KDM4C: variants seen among roughly 807,000 people sequenced by gnomAD.
KDM4C encodes the protein lysine demethylase 4C.
KDM4C carries 81 observed loss-of-function variants against 129.3 expected under a neutral mutation model. The ratio of observed to expected loss-of-function variants is 0.63; its 90% CI spans 0.52 to 0.75. KDM4C has a LOEUF of 0.75. KDM4C is among the 30% of genes least tolerant of loss of function. KDM4C has a pLI of 0.00. For missense variants in KDM4C, 1,457 were observed against 1,304.0 expected, an observed-to-expected ratio of 1.12 and a Z score of -1.81; for synonymous variants, 573 against 456.1, an observed-to-expected ratio of 1.26 and a Z score of -3.26.
chr9:7,148,034 A>G (rs1392220264), intron 19 of KDM4C, among the ~76,000 whole-genome samples: 1 of 152,246 alleles, frequency 6.6e-6, no homozygotes, highest in Non-Finnish European at 1.5e-5. Flanking sequence ...GCACAGGGCC[A>G]GGCCACTGCA....
At chr9:7,102,609 G>A (rs1837229220) in intron 17 of KDM4C, among the ~76,000 whole-genome samples, 1 of 152,142 alleles carries the variant, frequency 6.6e-6, no homozygotes, top group South Asian at 2.1e-4. Context: ...TCACCGATCA[G>A]ATGTGAGGAC....
chr9:6,730,788 C>G (rs1005719485), intron 1 of KDM4C, among the ~76,000 whole-genome samples: 3 of 152,042 alleles, frequency 2.0e-5, no homozygotes, highest in Admixed American at 6.6e-5. Flanking sequence ...AGGTGAGGTC[C>G]TTAAGTGGAT....
intron 19 of KDM4C, among the ~76,000 whole-genome samples, chr9:7,159,286 G>A (rs868547231): frequency 8.5e-5 from 13 of 152,212 alleles, no homozygotes; most frequent in South Asian, 6.2e-4. Flanking sequence ...TCTTTATCCA[G>A]TTTGCCAGTC....
At chr9:7,042,841 G>A (rs1828822114) in intron 15 of KDM4C, among the ~76,000 whole-genome samples, 1 of 151,996 alleles carries the variant, frequency 6.6e-6, no homozygotes, top group African/African-American at 2.4e-5. Flanking sequence ...CTTGCTGATT[G>A]GATCAGATTT....
intron 8 of KDM4C, among the ~76,000 whole-genome samples, chr9:6,934,434 C>G (rs1389532612): frequency 2.0e-5 from 3 of 150,136 alleles, no homozygotes; most frequent in Non-Finnish European, 4.4e-5. Context: ...GAGCTGAGAT[C>G]ATGCCACCGC....
chr9:7,011,769 C>A lies in KDM4C; in HGVS notation c.1858C>A (p.Leu620Ile). The A allele has an allele frequency of 6.2e-7, 1 of 1,614,124 alleles. No individual in the cohort carries two copies. The highest frequency in any genetic ancestry group is 8.5e-7 in the Non-Finnish European group (1 of 1,179,994). ...GTCTTGGGCGAAACCTCTCATCCAC[C>A]TTTGGCAGACGAAGTCCCCTAACTT... ...TESWAKPLIHLWQTKSPNFAA... is the reference protein window; with the variant it reads ...TESWAKPLIHIWQTKSPNFAA... The change falls in exon 13 of 22, where the codon CTT becomes ATT. Residue 620 changes from leucine to isoleucine, a missense_variant. Coordinates refer to ENST00000381309, the MANE Select transcript of KDM4C (RefSeq NM_015061.6).
intron 18 of KDM4C, 30 bp downstream of exon 18, chr9:7,103,900 A>C (rs1297525924): frequency 6.3e-7 from 1 of 1,597,754 alleles, no homozygotes; most frequent in South Asian, 1.1e-5. Context: ...CCTCAGTGCT[A>C]AGACCGTGTC....
At chr9:6,861,963 G>A (rs573913650) in intron 5 of KDM4C, among the ~76,000 whole-genome samples, 3 of 151,888 alleles carry the variant, frequency 2.0e-5, no homozygotes, top group African/African-American at 7.2e-5. Context: ...GTAGAGATGG[G>A]GTTTTGCCGC....
intron 4 of KDM4C, among the ~76,000 whole-genome samples, chr9:6,828,302 A>C (rs1331144339): frequency 6.6e-6 from 1 of 151,874 alleles, no homozygotes; most frequent in African/African-American, 2.4e-5. Flanking sequence ...AGCCCACCAC[A>C]ACGCCCGGCT....
At chr9:6,725,712 T>TTTTC (rs1491095816) in intron 1 of KDM4C, among the ~76,000 whole-genome samples, 29 of 51,146 alleles carry the variant, frequency 5.7e-4, no homozygotes, top group Non-Finnish European at 5.9e-4. Flanking sequence ...TTTTCTTTTC[T>TTTTC]TTTTTTTTTT....
At chr9:6,742,427 C>T (rs1448333003) in intron 1 of KDM4C, among the ~76,000 whole-genome samples, 1 of 152,084 alleles carries the variant, frequency 6.6e-6, no homozygotes, top group Non-Finnish European at 1.5e-5. Context: ...TATTATCAAG[C>T]AGCCCCCTGA....
chr9:7,087,151 C>T (rs894184124), intron 17 of KDM4C, among the ~76,000 whole-genome samples: 4 of 150,190 alleles, frequency 2.7e-5, no homozygotes, highest in African/African-American at 9.8e-5. Context: ...AGCTGATACA[C>T]AGTGATGGGT....
intron 5 of KDM4C, among the ~76,000 whole-genome samples, chr9:6,860,178 A>C (rs1840665309): frequency 6.6e-6 from 1 of 152,128 alleles, no homozygotes; most frequent in Admixed American, 6.5e-5. Flanking sequence ...ATCTTGTGAT[A>C]ATTGACAGGT....
chr9:6,803,998 T>A (rs1829502853), intron 2 of KDM4C, among the ~76,000 whole-genome samples: 1 of 152,118 alleles, frequency 6.6e-6, no homozygotes, highest in Non-Finnish European at 1.5e-5. Context: ...AATTTTTGTA[T>A]TTTTAGTGGA....
chr9:7,098,971 TC>T (rs1836771527), intron 17 of KDM4C, among the ~76,000 whole-genome samples: 1 of 131,036 alleles, frequency 7.6e-6, no homozygotes, highest in Non-Finnish European at 1.7e-5. Flanking sequence ...TTAGCCTCGA[TC>T]CTCTGACTTG....
intron 8 of KDM4C, among the ~76,000 whole-genome samples, chr9:6,904,640 A>G (rs781667178): frequency 1.8e-4 from 28 of 152,208 alleles, no homozygotes; most frequent in Non-Finnish European, 3.2e-4. Context: ...ATTCCACTAC[A>G]GTTAATACTG....
intron 10 of KDM4C, 75 bp downstream of exon 10, chr9:6,984,479 A>G (rs2296068): frequency 0.25 from 236,275 of 945,612 alleles, 32,836 homozygotes; most frequent in South Asian, 0.43. Context: ...ATGGATGTTC[A>G]CTATGACAAG....
chr9:6,731,325 C>CTTTTTTTTTTTTT (rs34724329), intron 1 of KDM4C, among the ~76,000 whole-genome samples: 3 of 114,052 alleles, frequency 2.6e-5, no homozygotes, highest in Non-Finnish European at 3.5e-5. Flanking sequence ...TTTTTTTTTG[C>CTTTTTTTTTTTTT]TTTTTTTTTT....
intron 17 of KDM4C, among the ~76,000 whole-genome samples, chr9:7,055,698 T>G (rs1306422910): frequency 6.6e-6 from 1 of 152,200 alleles, no homozygotes; most frequent in African/African-American, 2.4e-5. Flanking sequence ...ACTTCCTATT[T>G]CTTAGACGAA....
Sources: allele counts gnomAD v4.1 joint callset (sites outside exome capture counted in the v4.1 genomes callset), GRCh38; gene constraint gnomAD v4.1.1; transcripts MANE v1.5; gene names NCBI Gene and HGNC (gene_info 2026-07-23, HGNC 2026-07-21).